KIZ: variants seen among roughly 807,000 people sequenced by gnomAD.
KIZ encodes kizuna centrosomal protein.
Under a neutral mutation model 79.6 loss-of-function variants are expected in KIZ, and 68 were observed. That is an observed-to-expected ratio of 0.85 (90% confidence interval 0.70 to 1.05). The LOEUF (loss-of-function observed/expected upper bound fraction) is 1.05. Ranked by LOEUF, KIZ falls within the 50% of genes least tolerant of loss-of-function variation. KIZ has a pLI of 0.00. For synonymous variants in KIZ, 280 were observed against 281.8 expected, an observed-to-expected ratio of 0.99 and a Z score of 0.06; for missense variants, 797 against 800.4, an observed-to-expected ratio of 1.00 and a Z score of 0.05.
At chr20:21,196,210 C>T (rs2035336826) in intron 6 of KIZ, 1 of 152,476 alleles carries the variant, frequency 6.6e-6, no homozygotes. Flanking sequence ...ACAGCAACCC[C>T]TACCCAGCCA....
chr20:21,136,740 C>T (rs1245352699), intron 3 of KIZ, among the ~76,000 whole-genome samples, 188 bp downstream of exon 3: 3 of 151,690 alleles, frequency 2.0e-5, no homozygotes, highest in Non-Finnish European at 4.4e-5. Context: ...GTGTACCTCC[C>T]GAGTAGCTGG....
At chr20:21,186,740 ACT>A (rs2034889848) in intron 6 of KIZ, among the ~76,000 whole-genome samples, 1 of 151,972 alleles carries the variant, frequency 6.6e-6, no homozygotes, top group Non-Finnish European at 1.5e-5. Flanking sequence ...AAGAAAACAA[ACT>A]CAAATCTAAC....
At chr20:21,210,105 C>CA (rs2036006800) in intron 7 of KIZ, among the ~76,000 whole-genome samples, 1 of 151,968 alleles carries the variant, frequency 6.6e-6, no homozygotes, top group East Asian at 1.9e-4. Context: ...GTCAGTAGTT[C>CA]AAGACCAGTC....
At position 21,197,463 on chromosome 20, in the gene KIZ, G is replaced by A. The variant is rs187001350; in HGVS notation, c.1353-8028G>A. On this transcript the variant is annotated intron_variant, in intron 6 of 12. Coordinates refer to ENST00000619189, the MANE Select transcript of KIZ (RefSeq NM_018474.6). ...GTGACAATTTAAGTAAATTTCATAC[G>A]AGTTGTGGGGATCTAACTTTGTTAT... 4 of 152,302 alleles carry A rather than the reference G, an allele frequency of 2.6e-5. No individual in the cohort carries two copies. The East Asian group carries it at 7.7e-4, about 29-fold the overall frequency. 9.4% of individuals were successfully genotyped at this position (152,302 alleles called of 1,614,324 possible).
intron 6 of KIZ, among the ~76,000 whole-genome samples, chr20:21,180,265 T>A (rs2034598721): frequency 6.6e-6 from 1 of 151,458 alleles, no homozygotes; most frequent in African/African-American, 2.4e-5. Flanking sequence ...ATAAGGAAAT[T>A]CAGGCAGTTT....
At chr20:21,169,884 T>C (rs1436356446) in intron 6 of KIZ, among the ~76,000 whole-genome samples, 2 of 152,232 alleles carry the variant, frequency 1.3e-5, no homozygotes, top group Non-Finnish European at 2.9e-5. Context: ...TTATTCCATG[T>C]CTTTTTATGG....
intron 7 of KIZ, among the ~76,000 whole-genome samples, chr20:21,208,301 T>C (rs1288284617): frequency 6.6e-6 from 1 of 151,994 alleles, no homozygotes; most frequent in African/African-American, 2.4e-5. Flanking sequence ...TGAATCAAAT[T>C]ATATTCTGTT....
intron 6 of KIZ, among the ~76,000 whole-genome samples, chr20:21,187,115 A>T (rs969839350): frequency 1.3e-5 from 2 of 151,440 alleles, no homozygotes; most frequent in Admixed American, 6.6e-5. Context: ...AATAAAAATT[A>T]AAAAAAAACA....
rs61159246 is a variant in KIZ at position 21,200,941 on chromosome 20, A to G, written c.1353-4550A>G. Among the ~76,000 whole-genome samples, 959 of 152,308 alleles carry G rather than the reference A, an allele frequency of 6.3e-3. 15 individuals are homozygous for G. Among genetic ancestry groups the G allele is most frequent in the African/African-American group, 0.022 (908 of 41,564 alleles). On this transcript the variant is annotated intron_variant, in intron 6 of 12. Coordinates refer to ENST00000619189, the MANE Select transcript of KIZ (RefSeq NM_018474.6). ...ACGCCTGTAATACCAGCACTTTGGG[A>G]GGCTGAGGCAGGTGGATTGCTTGAG...
In KIZ at chr20:21,214,545, T is replaced by C. The variant is rs776808758; in HGVS notation, c.1457T>C (p.Leu486Ser). The part of the protein sequence containing the change: ...DNSVKEEATA[L>S]LRKALTEECG... ...TTTGAAACACTGTAGGCAACAGCAT[T>C]ATTGAGAAAAGCCCTTACAGAAGAG... Residue 486 changes from leucine (L) to serine (S), a missense_variant, in exon 8 of 13, where the codon TTA becomes TCA. By Grantham distance (145) the Leu-to-Ser change is moderately radical (BLOSUM62 -2). Transcript: ENST00000619189. The C allele has an allele frequency of 8.1e-6, 13 of 1,613,194 alleles. No homozygotes were observed. In the East Asian group the frequency reaches 2.9e-4, roughly 36 times the overall value.
intron 6 of KIZ, chr20:21,195,207 C>A (rs1010854585): frequency 6.6e-6 from 1 of 152,168 alleles, no homozygotes; most frequent in Non-Finnish European, 1.5e-5. Context: ...TTGATAAGAT[C>A]GGCAAAGAAG....
intron 1 of KIZ, among the ~76,000 whole-genome samples, chr20:21,130,151 A>G (rs1245754728): frequency 2.0e-5 from 3 of 152,044 alleles, no homozygotes; most frequent in African/African-American, 7.2e-5. Context: ...CCGCGGTTGC[A>G]TTTGGCTGGC....
chr20:21,229,340 C>A (rs2295410), intron 10 of KIZ, among the ~76,000 whole-genome samples: 2 of 152,350 alleles, frequency 1.3e-5, no homozygotes, highest in East Asian at 3.9e-4. Context: ...ATGGCCCTTC[C>A]AGGCCCTGGA....
intron 5 of KIZ, 80 bp downstream of exon 5, chr20:21,162,587 C>A (rs1414260309): frequency 9.4e-7 from 1 of 1,062,228 alleles, no homozygotes; most frequent in Admixed American, 2.7e-5. Context: ...TACTAATTAT[C>A]TCTCTTTCAT....
intron 6 of KIZ, among the ~76,000 whole-genome samples, chr20:21,193,826 A>G (rs866762876): frequency 1.6e-5 from 2 of 124,762 alleles, no homozygotes; most frequent in Non-Finnish European, 3.2e-5. Flanking sequence ...GGACCCAGGA[A>G]GGGGAACATC....
At chr20:21,147,961 T>TTGTGTGTGTGTGTGTGTGTGTG (rs61333547) in intron 4 of KIZ, among the ~76,000 whole-genome samples, 15 of 141,136 alleles carry the variant, frequency 1.1e-4, no homozygotes, top group East Asian at 4.2e-4. Flanking sequence ...CTCCTGGAAT[T>TTGTGTGTGTGTGTGTGTGTGTG]TGTGTGTGTG....
chr20:21,222,162 T>G (rs142882293), intron 9 of KIZ, among the ~76,000 whole-genome samples: 32 of 152,360 alleles, frequency 2.1e-4, no homozygotes, highest in African/African-American at 7.2e-4. Context: ...GCAGTGCTGT[T>G]TATTTAACAT....
intron 6 of KIZ, among the ~76,000 whole-genome samples, chr20:21,180,253 T>A (rs1278161920): frequency 1.3e-5 from 2 of 151,576 alleles, no homozygotes. Context: ...TTTTTTTTTT[T>A]AATAAGGAAA....
At chr20:21,243,724 T>G (rs2037296038) in intron 11 of KIZ, among the ~76,000 whole-genome samples, 2 of 152,200 alleles carry the variant, frequency 1.3e-5, no homozygotes, top group Non-Finnish European at 2.9e-5. Context: ...ATGTGACACT[T>G]GCAGGGCCCT....
Sources: gnomAD v4.1 joint callset for allele counts (sites outside exome capture counted in the v4.1 genomes callset) on GRCh38, gnomAD v4.1.1 for gene constraint, MANE v1.5 for transcripts, NCBI Gene and HGNC (gene_info 2026-07-23, HGNC 2026-07-21) for gene names.